Variants in SPATC1 observed in about 807,000 individuals in gnomAD.
SPATC1 encodes speriolin.
Under a neutral mutation model 36.5 loss-of-function variants are expected in SPATC1, and 35 were observed. The observed-to-expected ratio is 0.96, with a 90% confidence interval of 0.73 to 1.27. The LOEUF is 1.27. Among genes scored for constraint, SPATC1 ranks in the 50% most tolerant of loss-of-function variants. SPATC1 has a pLI of 0.00. For missense variants in SPATC1, 779 were observed against 796.0 expected (o/e 0.98, Z 0.26); for synonymous variants, 361 against 353.6 (o/e 1.02, Z -0.24).
chr8:144,025,210 C>T (rs1178042378), intron 1 of SPATC1, among the ~76,000 whole-genome samples: 2 of 152,202 alleles, frequency 1.3e-5, no homozygotes, highest in African/African-American at 2.4e-5. Flanking sequence ...GCACCCTCTC[C>T]CTTCAGGACT....
chr8:144,039,791 C>T (rs1319904941), intron 1 of SPATC1, 118 bp from the exon 2 acceptor site: 2 of 1,109,244 alleles, frequency 1.8e-6, no homozygotes, highest in Non-Finnish European at 2.6e-6. Context: ...CCAGTCAGCT[C>T]ATCGGGGACA....
intron 1 of SPATC1, among the ~76,000 whole-genome samples, chr8:144,028,600 T>C (rs1834731638): frequency 6.6e-6 from 1 of 152,220 alleles, no homozygotes; most frequent in Non-Finnish European, 1.5e-5. Flanking sequence ...TTTACACTGT[T>C]GGTGGGAATG....
At chr8:144,041,843 T>A (rs1190480204) in intron 4 of SPATC1, 1 of 591,720 alleles carries the variant, frequency 1.7e-6, no homozygotes, top group Non-Finnish European at 2.1e-6. Flanking sequence ...TCCAGCTGTG[T>A]TTATCTGTGG....
rs1835244645 is a variant in SPATC1 at position 144,045,828 on chromosome 8, G to T, written c.1447-799G>T. Reference sequence around the variant, plus strand: ...CAACAGCGCATTGAGCTGGGCACTGGGCTTCCCACAACTGCCCAGGTCACA... The same window carrying T: ...CAACAGCGCATTGAGCTGGGCACTGTGCTTCCCACAACTGCCCAGGTCACA... On this transcript the variant is annotated intron_variant, in intron 4 of 4. Coordinates refer to ENST00000377470, the MANE Select transcript of SPATC1 (RefSeq NM_198572.3). The surrounding 1 kb of genome is among the most constrained non-coding windows in gnomAD (Gnocchi z 5.2). Among the ~76,000 whole-genome samples the T allele has an allele frequency of 6.6e-6, 1 of 152,254 alleles. No individual in the cohort carries two copies. Among genetic ancestry groups the T allele is most frequent in the Non-Finnish European group, 1.5e-5 (1 of 68,042 alleles).
At chr8:144,038,381 C>G (rs1486316349) in intron 1 of SPATC1, among the ~76,000 whole-genome samples, 6 of 147,734 alleles carry the variant, frequency 4.1e-5, no homozygotes, top group African/African-American at 1.5e-4. Flanking sequence ...TGCAGTGAGC[C>G]GAGATTGTGC....
At chr8:144,039,386 G>A (rs1554755289) in intron 1 of SPATC1, among the ~76,000 whole-genome samples, 1 of 152,234 alleles carries the variant, frequency 6.6e-6, no homozygotes. Context: ...CCATGCAAGG[G>A]TGCCGGGCCA....
chr8:144,042,415 G>A (rs1835140259), intron 4 of SPATC1, among the ~76,000 whole-genome samples: 1 of 144,822 alleles, frequency 6.9e-6, no homozygotes, highest in African/African-American at 2.6e-5. Context: ...TGCCTCCTGG[G>A]TTCAAGCAAT....
rs1554755489 is a variant in SPATC1, at chr8:144,040,151, A to T, written c.454A>T (p.Thr152Ser). 2.5e-6 allele frequency: 4 copies of T among 1,609,312 alleles called. No homozygotes were observed. ...TCCCATTGCGGGACCCCTAACAGGC[A>T]CACTGGCCAGTTCCCTGGGCCTGCC... is the stretch of plus-strand genomic sequence containing the variant. ...TSPIAGPLTG[T>S]LASSLGLPST... The change falls in exon 2 of 5, where the codon ACA becomes TCA. Residue 152 changes from threonine (T) to serine (S), a missense_variant. Thr to Ser is a moderately conservative substitution (Grantham distance 58). Coordinates refer to ENST00000377470, the MANE Select transcript of SPATC1 (RefSeq NM_198572.3).
At chr8:144,026,489 T>C (rs937446076) in intron 1 of SPATC1, among the ~76,000 whole-genome samples, 7 of 152,212 alleles carry the variant, frequency 4.6e-5, no homozygotes, top group African/African-American at 9.6e-5. Context: ...CTGGGTCATA[T>C]GGTAACTCTA....
chr8:144,043,318 G>A (rs1554756371), intron 4 of SPATC1, among the ~76,000 whole-genome samples: 1 of 144,100 alleles, frequency 6.9e-6, no homozygotes, highest in African/African-American at 2.6e-5. Context: ...TTTTTGCTCT[G>A]TCACCCAGGC....
At chr8:144,015,457 G>T (rs1187098612) in intron 1 of SPATC1, among the ~76,000 whole-genome samples, 15 of 151,244 alleles carry the variant, frequency 9.9e-5, no homozygotes, top group African/African-American at 3.6e-4. Context: ...GAAAGAAAAT[G>T]TGGGCCAGGT....
Position 144,046,751 on chromosome 8 carries a change from T to C in SPATC1, c.1571T>C (p.Leu524Pro). 2 of 1,611,932 alleles carry C rather than the reference T, an allele frequency of 1.2e-6. No individual in the cohort carries two copies. The highest frequency in any genetic ancestry group is 1.7e-6 in the Non-Finnish European group (2 of 1,179,996). The change falls in exon 5 of 5, where the codon CTG becomes CCG. Residue 524 changes from leucine (L) to proline (P), a missense_variant. Coordinates refer to ENST00000377470, the MANE Select transcript of SPATC1 (RefSeq NM_198572.3). The surrounding 1 kb of genome is among the most constrained non-coding windows in gnomAD (Gnocchi z 6.6). ...LGYNGRVHPA[L>P]TEQLVNAYGI... ...TACAACGGGCGGGTGCACCCTGCGCTGACCGAGCAGCTGGTGAACGCTTAT... is the reference window on the plus strand; with the variant it reads ...TACAACGGGCGGGTGCACCCTGCGCCGACCGAGCAGCTGGTGAACGCTTAT...
At chr8:144,037,822 T>TAA (rs782144348) in intron 1 of SPATC1, among the ~76,000 whole-genome samples, 2 of 130,448 alleles carry the variant, frequency 1.5e-5, no homozygotes, top group African/African-American at 2.8e-5. Context: ...ATAGATTAAT[T>TAA]AAAAAAAAAA....
In SPATC1 at chr8:144,040,901, G is replaced by A. The variant is rs372423052; in HGVS notation, c.1100G>A (p.Arg367Gln). 3.0e-5 allele frequency: 46 copies of A among 1,529,294 alleles called. No homozygotes were observed. The Middle Eastern group carries it at 1.7e-3, about 57-fold the overall frequency. The allele number at this position is 1,529,294 out of a possible 1,614,324, so 94.7% of individuals were successfully genotyped here. ...CAGGGTGCCCCCCATCCCCCTTCCC[G>A]AATGCATAATTCCCCAACCCAGAAC... ...IAQGAPHPPS[R>Q]MHNSPTQNLP... The change falls in exon 3 of 5, where the codon CGA becomes CAA. Residue 367 changes from arginine (R) to glutamine (Q), a missense_variant. Transcript: ENST00000377470.
At chr8:144,043,500 T>C (rs140256130) in intron 4 of SPATC1, among the ~76,000 whole-genome samples, 8,776 of 152,028 alleles carry the variant, frequency 0.058, 895 homozygotes, top group African/African-American at 0.2. Flanking sequence ...CAGGCTGGTG[T>C]CGAACTCCTG....
chr8:144,032,682 T>C lies in SPATC1; in HGVS notation c.212-7227T>C, dbSNP rs1055970148. On this transcript the variant is annotated intron_variant, in intron 1 of 4. Coordinates refer to ENST00000377470, the MANE Select transcript of SPATC1 (RefSeq NM_198572.3). ...CCTCCCCAGGGTTTATTGCTGCTTG[T>C]TATGGGTCATACTTGTTTGTTTAGT... 2.9e-4 allele frequency among the ~76,000 whole-genome samples: 44 copies of C among 152,154 alleles called. 1 individual carries two copies. The highest frequency in any genetic ancestry group is 8.7e-4 in the African/African-American group (36 of 41,436).
In SPATC1 at chr8:144,041,317, G is replaced by T. The variant is rs983303686; in HGVS notation, c.1392G>T (p.Glu464Asp). ...DRRILSSIFPERVRLYGFTVS... is the reference protein window; with the variant it reads ...DRRILSSIFPDRVRLYGFTVS... ...GGATCCTGTCCAGCATCTTCCCAGA[G>T]CGCGTACGGCTCTACGGCTTCACTG... The change falls in exon 4 of 5, where the codon GAG becomes GAT. Residue 464 changes from glutamate to aspartate, a missense_variant. Coordinates refer to ENST00000377470, the MANE Select transcript of SPATC1 (RefSeq NM_198572.3). 1.2e-6 allele frequency: 2 copies of T among 1,612,892 alleles called. No individual in the cohort carries two copies. Among genetic ancestry groups the T allele is most frequent in the Non-Finnish European group, 8.5e-7 (1 of 1,180,024 alleles).
chr8:144,023,448 C>G lies in SPATC1; in HGVS notation c.211+10722C>G. Among the ~76,000 whole-genome samples, 2 of 86,024 alleles carry G rather than the reference C, an allele frequency of 2.3e-5. 1 individual carries two copies. Among genetic ancestry groups the G allele is most frequent in the Non-Finnish European group, 5.4e-5 (2 of 37,058 alleles). 56.4% of individuals were successfully genotyped at this position (86,024 alleles called of 152,430 possible). ...CCTCAGGACCCTCTTTTCTAAGGAC[C>G]TTCTTCCCTGAGGACCCTCTCTCCT... On this transcript the variant is annotated intron_variant, in intron 1 of 4. Coordinates refer to ENST00000377470, the MANE Select transcript of SPATC1 (RefSeq NM_198572.3).
At chr8:144,024,271 C>T (rs2133114920) in intron 1 of SPATC1, among the ~76,000 whole-genome samples, 1 of 148,682 alleles carries the variant, frequency 6.7e-6, no homozygotes, top group Non-Finnish European at 1.5e-5. Flanking sequence ...ACTCACTCCC[C>T]TGAGGACCCT....
Sources: allele counts gnomAD v4.1 joint callset (sites outside exome capture counted in the v4.1 genomes callset), GRCh38; gene constraint gnomAD v4.1.1; non-coding constraint Gnocchi (gnomAD v3.1); transcripts MANE v1.5; gene names NCBI Gene and HGNC (gene_info 2026-07-23, HGNC 2026-07-21).